NPAS3: variants seen among roughly 807,000 people sequenced by gnomAD.
NPAS3 encodes neuronal PAS domain protein 3, also known as neuronal PAS domain-containing protein 3.
NPAS3 carries 14 observed loss-of-function variants against 73.1 expected under a neutral mutation model. The observed-to-expected ratio is 0.19, with a 90% CI of 0.13 to 0.30. NPAS3 has a LOEUF of 0.30. Among genes scored for constraint, NPAS3 ranks in the 10% least tolerant of loss-of-function variants. The pLI is 1.00. For synonymous variants in NPAS3, 620 were observed against 541.5 expected (o/e 1.14, Z -2.01); for missense variants, 1,096 against 1,250.0 (o/e 0.88, Z 1.86).
chr14:33,756,678 G>T (rs1007542291), intron 7 of NPAS3, among the ~76,000 whole-genome samples: 27 of 152,344 alleles, frequency 1.8e-4, no homozygotes, highest in African/African-American at 6.3e-4. Context: ...AGAAAGAAAG[G>T]AAGTTGAGAA....
chr14:32,988,270 T>C (rs1390386142), intron 1 of NPAS3, among the ~76,000 whole-genome samples: 1 of 152,140 alleles, frequency 6.6e-6, no homozygotes, highest in Non-Finnish European at 1.5e-5. Context: ...ATTTTTGCCC[T>C]CTAAGACTGT....
chr14:33,403,445 G>T (rs891574956), intron 4 of NPAS3, among the ~76,000 whole-genome samples: 2 of 152,072 alleles, frequency 1.3e-5, no homozygotes, highest in African/African-American at 4.8e-5. Context: ...TTTAGTGAGT[G>T]TATTTCACTT....
intron 5 of NPAS3, among the ~76,000 whole-genome samples, chr14:33,561,717 A>G (rs2055660088): frequency 6.6e-6 from 1 of 152,194 alleles, no homozygotes; most frequent in African/African-American, 2.4e-5. Flanking sequence ...TTGTTCTGCA[A>G]TGCACATATT....
intron 4 of NPAS3, among the ~76,000 whole-genome samples, chr14:33,503,994 G>A (rs1426398686): frequency 6.6e-6 from 1 of 151,948 alleles, no homozygotes; most frequent in Admixed American, 6.6e-5. Context: ...ATGTTATCTA[G>A]ACATTATTCC....
At chr14:33,430,991 C>T (rs1030607146) in intron 4 of NPAS3, among the ~76,000 whole-genome samples, 5 of 151,974 alleles carry the variant, frequency 3.3e-5, no homozygotes, top group East Asian at 1.9e-4. Context: ...CATACATATC[C>T]GAAGATGAAA....
chr14:33,722,813 A>T (rs1441732525), intron 6 of NPAS3, among the ~76,000 whole-genome samples: 1 of 152,158 alleles, frequency 6.6e-6, no homozygotes, highest in Non-Finnish European at 1.5e-5. Flanking sequence ...AATAACCCTC[A>T]ATTCTTTATT....
chr14:32,979,523 G>A (rs1423878248), intron 1 of NPAS3, among the ~76,000 whole-genome samples: 1 of 152,084 alleles, frequency 6.6e-6, no homozygotes, highest in Non-Finnish European at 1.5e-5. Context: ...GGTAGTAATA[G>A]CAAGTGTCTG....
chr14:33,430,922 T>C (rs1052548482), intron 4 of NPAS3, among the ~76,000 whole-genome samples: 3 of 152,184 alleles, frequency 2.0e-5, no homozygotes, highest in African/African-American at 7.2e-5. Context: ...TTTGCCAAAG[T>C]CTGTCTGGCT....
At chr14:33,334,746 G>A (rs942208370) in intron 3 of NPAS3, among the ~76,000 whole-genome samples, 17 of 152,086 alleles carry the variant, frequency 1.1e-4, no homozygotes, top group Non-Finnish European at 2.2e-4. Context: ...TGTTTGGTTA[G>A]TATTGGTTTT....
intron 3 of NPAS3, among the ~76,000 whole-genome samples, chr14:33,231,555 C>T (rs983479287): frequency 1.3e-5 from 2 of 152,118 alleles, no homozygotes; most frequent in African/African-American, 4.8e-5. Context: ...TCATTCTTTA[C>T]ACTTACACAT....
rs139354530 is a variant in NPAS3, at chr14:33,289,699, G to C, written c.385+74273G>C. Among the ~76,000 whole-genome samples the C allele has an allele frequency of 6.0e-3, 917 of 152,070 alleles. 11 individuals carry two copies. The highest frequency in any genetic ancestry group is 0.021 in the African/African-American group (868 of 41,486). On this transcript the variant is annotated intron_variant, in intron 3 of 11. Coordinates refer to ENST00000356141, the Ensembl canonical transcript of NPAS3. ...TAGCCGGGCATGATGGGGCATGACT[G>C]TAGACCCAGCTATTCAGGAGGCTGA... is the stretch of plus-strand genomic sequence containing the variant.
chr14:33,271,551 C>T (rs1566744593), intron 3 of NPAS3, among the ~76,000 whole-genome samples: 1 of 152,084 alleles, frequency 6.6e-6, no homozygotes, highest in Non-Finnish European at 1.5e-5. Flanking sequence ...CCAGGAGAAG[C>T]TTCCCAACAG....
At chr14:33,632,528 A>G (rs1027149552) in intron 5 of NPAS3, among the ~76,000 whole-genome samples, 37 of 152,142 alleles carry the variant, frequency 2.4e-4, no homozygotes, top group African/African-American at 8.2e-4. Flanking sequence ...TCTTTTCTCT[A>G]TGGGTAACTG....
chr14:33,474,744 G>A (rs1462353071), intron 4 of NPAS3, among the ~76,000 whole-genome samples: 1 of 152,128 alleles, frequency 6.6e-6, no homozygotes, highest in Non-Finnish European at 1.5e-5. Flanking sequence ...GAGAGGTGAA[G>A]AGAAAGGGGA....
At chr14:33,036,575 G>A (rs918817311) in intron 1 of NPAS3, among the ~76,000 whole-genome samples, 2 of 152,114 alleles carry the variant, frequency 1.3e-5, no homozygotes, top group African/African-American at 4.8e-5. Flanking sequence ...TATTATTGTG[G>A]GAAGTAATAC....
At chr14:33,616,196 C>T (rs1049231451) in intron 5 of NPAS3, among the ~76,000 whole-genome samples, 9 of 152,142 alleles carry the variant, frequency 5.9e-5, no homozygotes, top group African/African-American at 1.4e-4. Flanking sequence ...AGCTGGACAA[C>T]GGGTCTGTTG....
chr14:33,096,579 C>T (rs1054599140), intron 2 of NPAS3, among the ~76,000 whole-genome samples: 3 of 152,190 alleles, frequency 2.0e-5, no homozygotes, highest in African/African-American at 7.2e-5. Context: ...CTTAGTCTCT[C>T]TGTGCCTCAA....
chr14:33,087,995 A>G (rs905751061), intron 2 of NPAS3, among the ~76,000 whole-genome samples: 1 of 152,224 alleles, frequency 6.6e-6, no homozygotes, highest in African/African-American at 2.4e-5. Flanking sequence ...GATTGTAACT[A>G]CCAATGAATA....
intron 4 of NPAS3, among the ~76,000 whole-genome samples, chr14:33,415,612 C>A (rs1241613279): frequency 6.6e-6 from 1 of 152,094 alleles, no homozygotes. Context: ...TACAGCATCC[C>A]ATTGAGTATG....
Sources: gnomAD v4.1 joint callset for allele counts (sites outside exome capture counted in the v4.1 genomes callset) on GRCh38, gnomAD v4.1.1 for gene constraint, MANE v1.5 for transcripts, NCBI Gene and HGNC (gene_info 2026-07-23, HGNC 2026-07-21) for gene names.